The following KAZN variants were observed in gnomAD, a reference collection of about 807,000 sequenced individuals.
KAZN encodes the protein kazrin.
In KAZN, 40 loss-of-function variants were observed where a neutral mutation model predicts 87.4. The ratio of observed to expected loss-of-function variants is 0.46; its 90% CI spans 0.36 to 0.60. KAZN has a LOEUF of 0.60. Among genes scored for constraint, KAZN ranks in the 20% least tolerant of loss-of-function variants. The pLI is 0.00. For missense variants in KAZN, 898 were observed against 1,073.9 expected (o/e 0.84, Z 2.29); for synonymous variants, 466 against 458.3 (o/e 1.02, Z -0.22).
intron 2 of KAZN, among the ~76,000 whole-genome samples, chr1:14,281,407 C>A (rs1246411912): frequency 6.6e-6 from 1 of 152,218 alleles, no homozygotes; most frequent in Non-Finnish European, 1.5e-5. Context: ...TAAACAAACT[C>A]AGTGCCGCTG....
rs2012123 is a variant in KAZN, at chr1:14,949,257, T to G, written c.227-11427T>G. Among the ~76,000 whole-genome samples, 5,257 of 151,804 alleles carry G rather than the reference T, an allele frequency of 0.035. 316 individuals carry two copies. The highest frequency in any genetic ancestry group is 0.12 in the African/African-American group (4,976 of 41,312). Reference sequence around the variant, plus strand: ...TTAAAGGGAAAAAAACATTCCTTTATTAAAACAACAGTTAATAAATACTAA... The same window carrying G: ...TTAAAGGGAAAAAAACATTCCTTTAGTAAAACAACAGTTAATAAATACTAA... On this transcript the variant is annotated intron_variant, in intron 1 of 14. Transcript: ENST00000376030. The surrounding 1 kb of genome is among the most constrained non-coding windows in gnomAD (Gnocchi z 4.3).
intron 2 of KAZN, among the ~76,000 whole-genome samples, chr1:14,411,168 A>G (rs1034756780): frequency 6.6e-6 from 1 of 152,262 alleles, no homozygotes; most frequent in East Asian, 1.9e-4. Flanking sequence ...GGCAATGACC[A>G]GAATGACAGT....
Position 14,638,581 on chromosome 1 carries a change from A to AAAAAAAAAAAAAC in KAZN, c.226+39369_226+39370insACAAAAAAAAAAA, listed in dbSNP as rs1553201086. 6.4e-3 allele frequency among the ~76,000 whole-genome samples: 252 copies of AAAAAAAAAAAAAC among 39,630 alleles called. 1 individual carries two copies. The highest frequency in any genetic ancestry group is 0.021 in the African/African-American group (224 of 10,892). The allele number at this position is 39,630 out of a possible 152,430, so 26.0% of individuals were successfully genotyped here. A position where few individuals can be genotyped will look rare whatever the true frequency, so the allele number is the denominator to read the frequency against. ...AAGACTCCGTCTCAAAAAAAAAACA[A>AAAAAAAAAAAAAC]AAAAAAAAAAACAAAAAGGGTTGTC... is the stretch of plus-strand genomic sequence containing the variant. On this transcript the variant is annotated intron_variant, in intron 1 of 14. Coordinates refer to ENST00000376030, the MANE Select transcript of KAZN (RefSeq NM_201628.3).
chr1:14,435,657 G>A (rs1238654237), intron 2 of KAZN, among the ~76,000 whole-genome samples: 1 of 152,222 alleles, frequency 6.6e-6, no homozygotes, highest in Non-Finnish European at 1.5e-5. Context: ...TGCAGCTGAA[G>A]GCAGCAGTTA....
chr1:14,940,432 C>A (rs1335162102), intron 1 of KAZN, among the ~76,000 whole-genome samples: 2 of 152,244 alleles, frequency 1.3e-5, no homozygotes, highest in Non-Finnish European at 2.9e-5. Context: ...GTTTCCTTGA[C>A]ATGATGACCC....
chr1:14,758,660 T>G (rs1644647265), intron 1 of KAZN, among the ~76,000 whole-genome samples: 3 of 152,144 alleles, frequency 2.0e-5, no homozygotes, highest in African/African-American at 7.2e-5. Flanking sequence ...CGATACTAGC[T>G]GATGTGAAGC....
intron 1 of KAZN, among the ~76,000 whole-genome samples, chr1:14,685,232 C>A (rs151082661): frequency 6.6e-6 from 1 of 152,194 alleles, no homozygotes; most frequent in African/African-American, 2.4e-5. Flanking sequence ...TTAATCCTGC[C>A]GGAGAAACTC....
chr1:14,979,738 C>T (rs369159931), intron 2 of KAZN, among the ~76,000 whole-genome samples: 1 of 152,128 alleles, frequency 6.6e-6, no homozygotes, highest in African/African-American at 2.4e-5. Context: ...GAGTTCAAAT[C>T]CTGCCTCCTC....
intron 1 of KAZN, among the ~76,000 whole-genome samples, chr1:14,932,741 C>T (rs548095455): frequency 2.6e-5 from 4 of 151,618 alleles, no homozygotes; most frequent in Non-Finnish European, 5.9e-5. Flanking sequence ...AGAGTCCCAC[C>T]CCAGAAACTG....
intron 8 of KAZN, among the ~76,000 whole-genome samples, chr1:15,074,760 C>T (rs774966873): frequency 5.9e-5 from 9 of 152,168 alleles, no homozygotes; most frequent in African/African-American, 9.7e-5. Flanking sequence ...TCAGTCCTGA[C>T]GCTTGTTACC....
chr1:14,647,321 C>T (rs993095604), intron 1 of KAZN, among the ~76,000 whole-genome samples: 3 of 152,128 alleles, frequency 2.0e-5, no homozygotes, highest in African/African-American at 7.2e-5. Context: ...ACCACCTTTG[C>T]TGTCTTGCTA....
intron 2 of KAZN, among the ~76,000 whole-genome samples, chr1:14,989,290 A>G (rs1012050093): frequency 2.0e-5 from 3 of 152,204 alleles, no homozygotes; most frequent in Non-Finnish European, 2.9e-5. Flanking sequence ...AGCCAGGCCA[A>G]CATGGTGAAA....
chr1:14,003,849 C>A (rs1416835811), intron 1 of KAZN, among the ~76,000 whole-genome samples: 3 of 151,894 alleles, frequency 2.0e-5, no homozygotes, highest in African/African-American at 4.8e-5. Flanking sequence ...AAAGCTCTAA[C>A]CATAACGAAA....
chr1:15,040,506 C>T (rs1415547385), intron 3 of KAZN, among the ~76,000 whole-genome samples: 4 of 152,192 alleles, frequency 2.6e-5, no homozygotes, highest in Non-Finnish European at 5.9e-5. Context: ...TGGCTCATGC[C>T]TGTAATCCTA....
intron 1 of KAZN, among the ~76,000 whole-genome samples, chr1:14,019,419 T>G (rs1640722418): frequency 6.6e-6 from 1 of 152,190 alleles, no homozygotes; most frequent in African/African-American, 2.4e-5. Context: ...ATATTTGGCA[T>G]GGGCTGGGGT....
At chr1:14,106,642 G>C (rs1036512166) in intron 1 of KAZN, among the ~76,000 whole-genome samples, 31 of 152,190 alleles carry the variant, frequency 2.0e-4, no homozygotes, top group African/African-American at 7.2e-4. Flanking sequence ...ACTTGAAATT[G>C]ATCTTCCCTG....
chr1:14,210,297 C>A (rs1333982795), intron 2 of KAZN, among the ~76,000 whole-genome samples: 19 of 152,112 alleles, frequency 1.2e-4, no homozygotes, highest in Admixed American at 1.2e-3. Context: ...GTAAGATGTG[C>A]CTTTGCTCCT....
intron 2 of KAZN, among the ~76,000 whole-genome samples, chr1:14,320,375 A>G (rs1192085285): frequency 6.6e-6 from 1 of 152,060 alleles, no homozygotes; most frequent in African/African-American, 2.4e-5. Flanking sequence ...TTCTCAAGGG[A>G]TTCTTATACA....
intron 1 of KAZN, among the ~76,000 whole-genome samples, chr1:14,048,262 T>C (rs1444902462): frequency 6.6e-6 from 1 of 152,208 alleles, no homozygotes; most frequent in Non-Finnish European, 1.5e-5. Flanking sequence ...TGTATCTCAA[T>C]ATTTCTTAAA....
Sources: gnomAD v4.1 joint callset for allele counts (sites outside exome capture counted in the v4.1 genomes callset) on GRCh38, gnomAD v4.1.1 for gene constraint, Gnocchi (gnomAD v3.1) non-coding constraint, MANE v1.5 for transcripts, NCBI Gene and HGNC (gene_info 2026-07-23, HGNC 2026-07-21) for gene names.